The following BCAS3 variants were observed in gnomAD, a reference collection of about 807,000 sequenced individuals.
BCAS3 encodes BCAS3 microtubule associated cell migration factor.
BCAS3 carries 53 observed loss-of-function variants against 116.1 expected under a neutral mutation model. The observed-to-expected ratio is 0.46, with a 90% confidence interval of 0.37 to 0.57. The LOEUF (loss-of-function observed/expected upper bound fraction) is 0.57, where lower values mean the gene tolerates loss of function less well. BCAS3 is among the 20% of genes least tolerant of loss of function. BCAS3 has a pLI of 0.00. For synonymous variants in BCAS3, 391 were observed against 408.2 expected (o/e 0.96, Z 0.51); for missense variants, 917 against 1,165.4 (o/e 0.79, Z 3.10).
rs368530876 is a variant in BCAS3, at chr17:61,219,620, G to A, written c.2425+135056G>A. 4.2e-4 allele frequency among the ~76,000 whole-genome samples: 64 copies of A among 152,334 alleles called. No homozygotes were observed. The highest frequency in any genetic ancestry group is 1.5e-3 in the African/African-American group (61 of 41,576). On this transcript the variant is annotated intron_variant, in intron 22 of 23. Transcript: ENST00000407086. This position sits in a 1 kb window ranked among gnomAD's most constrained non-coding sequence, Gnocchi z 5.2. The stretch of plus-strand genomic sequence containing the variant: ...CTTTCTGCTGCTGACAACATCAGAA[G>A]TGTTTTAACAGGGTTTTAATGGGCA...
chr17:61,038,682 T>TTGTTTTTGTTTTTG lies in BCAS3; in HGVS notation c.1928+629_1928+630insGTTTTTGTTTTTGT, dbSNP rs1202856055. On this transcript the variant is annotated intron_variant, in intron 18 of 23. Coordinates refer to ENST00000407086, the MANE Select transcript of BCAS3 (RefSeq NM_017679.5). ...TTTTTGTTTTTGTTTTTTTTTTTTT[T>TTGTTTTTGTTTTTG]TTTTTGGAGACAGTCTCGCTCTGTT... Among the ~76,000 whole-genome samples, 47 of 146,648 alleles carry TTGTTTTTGTTTTTG rather than the reference T, an allele frequency of 3.2e-4. 1 individual carries two copies. The highest frequency in any genetic ancestry group is 1.0e-3 in the African/African-American group (41 of 40,468).
chr17:61,327,787 G>C lies in BCAS3; in HGVS notation c.2426-40540G>C, dbSNP rs767295017. On this transcript the variant is annotated intron_variant, in intron 22 of 23. Transcript: ENST00000407086. This position sits in a 1 kb window ranked among gnomAD's most constrained non-coding sequence, Gnocchi z 5.9. ...AGCCTCCCAAAGTGGTGGAATTACAGGCATGAGCCACTGCGCCCTGCCCAA... is the reference window on the plus strand; with the variant it reads ...AGCCTCCCAAAGTGGTGGAATTACACGCATGAGCCACTGCGCCCTGCCCAA... Among the ~76,000 whole-genome samples, 1 of 152,200 alleles carries C rather than the reference G, an allele frequency of 6.6e-6. No homozygotes were observed. Among genetic ancestry groups the C allele is most frequent in the Non-Finnish European group, 1.5e-5 (1 of 68,032 alleles).
chr17:60,723,711 CTTTT>C (rs549083159), intron 5 of BCAS3, among the ~76,000 whole-genome samples: 1 of 88,868 alleles, frequency 1.1e-5, no homozygotes, highest in Non-Finnish European at 2.2e-5. Context: ...CACTTTCTTT[CTTTT>C]TTTTTTTTTT....
At chr17:60,953,775 C>A (rs1391392264) in intron 14 of BCAS3, among the ~76,000 whole-genome samples, 1 of 149,374 alleles carries the variant, frequency 6.7e-6, no homozygotes, top group Non-Finnish European at 1.5e-5. Context: ...TTTTTGTCAC[C>A]CAGGCTGGAG....
rs1261405163 is a variant in BCAS3, at chr17:61,073,598, A to T, written c.2030-1322A>T. ...TTATATATTTACATCCTCTGATTTC[A>T]TATGTAGGAATCTAACTCAAGGAAA... On this transcript the variant is annotated intron_variant, in intron 19 of 23. Coordinates refer to ENST00000407086, the MANE Select transcript of BCAS3 (RefSeq NM_017679.5). This position sits in a 1 kb window ranked among gnomAD's most constrained non-coding sequence, Gnocchi z 4.6. Among the ~76,000 whole-genome samples the T allele has an allele frequency of 6.6e-6, 1 of 152,188 alleles. No individual in the cohort carries two copies. The highest frequency in any genetic ancestry group is 1.9e-4 in the East Asian group (1 of 5,196).
intron 7 of BCAS3, among the ~76,000 whole-genome samples, chr17:60,823,462 G>A (rs1291068364): frequency 1.3e-5 from 2 of 152,140 alleles, no homozygotes; most frequent in African/African-American, 2.4e-5. Flanking sequence ...ATTTTGGGAG[G>A]CTGAGGTAGG....
chr17:61,037,000 C>A (rs2067089137), intron 17 of BCAS3, among the ~76,000 whole-genome samples: 1 of 152,148 alleles, frequency 6.6e-6, no homozygotes, highest in Non-Finnish European at 1.5e-5. Flanking sequence ...TCCACACATG[C>A]AAAGCCTCTT....
chr17:60,983,012 G>A (rs2062906535), intron 14 of BCAS3, among the ~76,000 whole-genome samples: 1 of 152,058 alleles, frequency 6.6e-6, no homozygotes, highest in Non-Finnish European at 1.5e-5. Context: ...TTAAAATATT[G>A]ACTAGTGAGT....
At chr17:61,216,040 A>G (rs954060814) in intron 22 of BCAS3, among the ~76,000 whole-genome samples, 8 of 152,158 alleles carry the variant, frequency 5.3e-5, no homozygotes, top group Admixed American at 6.5e-5. Context: ...ATTTTATTGA[A>G]ATTTTATTTT....
rs1172331095 is a variant in BCAS3, at chr17:61,226,916, A to T, written c.2426-141411A>T. ...ATCCTATAATATCCCTTTCCTTTTT[A>T]ATTTGTTGCTTCTAGTCCTGAGGAC... is the stretch of plus-strand genomic sequence containing the variant. On this transcript the variant is annotated intron_variant, in intron 22 of 23. Coordinates refer to ENST00000407086, the MANE Select transcript of BCAS3 (RefSeq NM_017679.5). This position sits in a 1 kb window ranked among gnomAD's most constrained non-coding sequence, Gnocchi z 6.0. 6.6e-6 allele frequency among the ~76,000 whole-genome samples: 1 copy of T among 151,962 alleles called. No individual in the cohort carries two copies. Among genetic ancestry groups the T allele is most frequent in the Admixed American group, 6.5e-5 (1 of 15,270 alleles).
At chr17:60,789,738 G>C (rs558177128) in intron 6 of BCAS3, among the ~76,000 whole-genome samples, 3 of 152,224 alleles carry the variant, frequency 2.0e-5, no homozygotes, top group African/African-American at 7.2e-5. Flanking sequence ...CAATTTGGAG[G>C]ATTATGTTAT....
intron 22 of BCAS3, among the ~76,000 whole-genome samples, chr17:61,099,969 C>T (rs776868646): frequency 1.3e-5 from 2 of 152,208 alleles, no homozygotes; most frequent in Non-Finnish European, 2.9e-5. Context: ...GTTACTTGTA[C>T]TTATGCTCTA....
chr17:61,369,113 A>C (rs1416475387), intron 23 of BCAS3, among the ~76,000 whole-genome samples: 2 of 152,196 alleles, frequency 1.3e-5, no homozygotes, highest in Non-Finnish European at 2.9e-5. Context: ...CACACACAAC[A>C]TGCACTCAGG....
chr17:61,189,621 G>T lies in BCAS3; in HGVS notation c.2425+105057G>T, dbSNP rs1004480421. On this transcript the variant is annotated intron_variant, in intron 22 of 23. Coordinates refer to ENST00000407086, the MANE Select transcript of BCAS3 (RefSeq NM_017679.5). The surrounding 1 kb of genome is among the most constrained non-coding windows in gnomAD (Gnocchi z 4.5). ...GGGGTAAATGGAATCGAAAGGAGAA[G>T]AATGGAGAGGAATAGAAAGTTGAAA... 2.0e-5 allele frequency among the ~76,000 whole-genome samples: 3 copies of T among 152,176 alleles called. No homozygotes were observed. The highest frequency in any genetic ancestry group is 4.8e-5 in the African/African-American group (2 of 41,438).
intron 14 of BCAS3, among the ~76,000 whole-genome samples, chr17:60,986,183 A>G (rs531963873): frequency 3.9e-5 from 6 of 152,260 alleles, no homozygotes; most frequent in African/African-American, 1.4e-4. Context: ...CTTTCTTTTT[A>G]TGGCTAAATA....
chr17:60,867,191 C>T (rs141166751), intron 7 of BCAS3, among the ~76,000 whole-genome samples: 233 of 151,842 alleles, frequency 1.5e-3, no homozygotes, highest in African/African-American at 5.3e-3. Context: ...ACTGCAACTC[C>T]GCCTCCCAGG....
At chr17:61,272,499 C>T (rs189811070) in intron 22 of BCAS3, among the ~76,000 whole-genome samples, 56 of 151,570 alleles carry the variant, frequency 3.7e-4, no homozygotes, top group African/African-American at 1.3e-3. Context: ...CAGGCATGAT[C>T]TCATGAGACC....
intron 6 of BCAS3, among the ~76,000 whole-genome samples, chr17:60,804,253 C>T (rs1449212927): frequency 6.6e-6 from 1 of 150,568 alleles, no homozygotes; most frequent in South Asian, 2.1e-4. Flanking sequence ...GAGGCTGAGG[C>T]GGGTGGATCA....
chr17:61,187,614 A>G (rs748230576), intron 22 of BCAS3, among the ~76,000 whole-genome samples: 16 of 152,242 alleles, frequency 1.1e-4, no homozygotes, highest in Non-Finnish European at 2.4e-4. Context: ...AGGGTTATTT[A>G]TTGATGACTT....
Sources: gnomAD v4.1 joint callset for allele counts (sites outside exome capture counted in the v4.1 genomes callset) on GRCh38, gnomAD v4.1.1 for gene constraint, Gnocchi (gnomAD v3.1) non-coding constraint, MANE v1.5 for transcripts, NCBI Gene and HGNC (gene_info 2026-07-23, HGNC 2026-07-21) for gene names.